The following ASIC2 variants were observed in gnomAD, a reference collection of about 807,000 sequenced individuals.
ASIC2 encodes acid sensing ion channel subunit 2, also known as acid-sensing ion channel 2.
A neutral mutation model predicts 57.3 loss-of-function variants in ASIC2; 25 were observed. The observed-to-expected ratio is 0.44, with a 90% CI of 0.32 to 0.61. ASIC2 has a LOEUF of 0.61. ASIC2 is among the 20% of genes least tolerant of loss of function. The pLI is 0.06. For missense variants in ASIC2, 641 were observed against 738.1 expected (o/e 0.87, Z 1.52); for synonymous variants, 319 against 307.5 (o/e 1.04, Z -0.39).
intron 1 of ASIC2, among the ~76,000 whole-genome samples, chr17:33,807,301 A>G (rs959385418): frequency 2.0e-5 from 3 of 152,208 alleles, no homozygotes; most frequent in African/African-American, 4.8e-5. Context: ...CTGTATGGCT[A>G]TAGGTAGTGG....
rs548669578 is a variant in ASIC2 at position 33,957,802 on chromosome 17, C to T, written c.555+198176G>A. Among the ~76,000 whole-genome samples the T allele has an allele frequency of 1.1e-4, 16 of 152,260 alleles. No homozygotes were observed. The South Asian group carries it at 3.1e-3, about 30-fold the overall frequency. On this transcript the variant is annotated intron_variant, in intron 1 of 9. Coordinates refer to the ASIC2 transcript ENST00000359872. ...AACCAATCATGCCTTCCCAACAGTC[C>T]CCCAAAGTCTTAACTTATTTCAGCA...
intron 1 of ASIC2, among the ~76,000 whole-genome samples, chr17:33,801,472 G>A (rs914717547): frequency 6.6e-6 from 1 of 152,070 alleles, no homozygotes; most frequent in South Asian, 2.1e-4. Context: ...GACATTTATG[G>A]TTTGGGTGGA....
rs368202574 is a variant in ASIC2 at position 33,049,295 on chromosome 17, G to T, written c.988-20903C>A. On this transcript the variant is annotated intron_variant, in intron 3 of 9. Transcript: ENST00000225823. ...CTTAGCTGTGTGCCAAAGGTAGACA[G>T]TTTGGGGCTGGCTGTCTCATTTATT... Among the ~76,000 whole-genome samples, 6 of 152,318 alleles carry T rather than the reference G, an allele frequency of 3.9e-5. No individual in the cohort carries two copies. In the East Asian group the frequency reaches 1.2e-3, roughly 29 times the overall value.
At chr17:34,047,712 G>A (rs2142050791) in intron 1 of ASIC2, among the ~76,000 whole-genome samples, 1 of 152,178 alleles carries the variant, frequency 6.6e-6, no homozygotes, top group South Asian at 2.1e-4. Flanking sequence ...GTGACAATGT[G>A]CCAGTTCTGA....
At chr17:33,991,650 C>G (rs1342013945) in intron 1 of ASIC2, among the ~76,000 whole-genome samples, 1 of 152,186 alleles carries the variant, frequency 6.6e-6, no homozygotes, top group Admixed American at 6.5e-5. Context: ...TTGGCTTTCT[C>G]AACGTTCCAC....
chr17:33,063,906 C>A (rs2141942440), intron 3 of ASIC2, among the ~76,000 whole-genome samples: 1 of 152,300 alleles, frequency 6.6e-6, no homozygotes, highest in East Asian at 1.9e-4. Context: ...TCATTTCATT[C>A]ATTCGATCTT....
intron 1 of ASIC2, among the ~76,000 whole-genome samples, chr17:33,313,319 C>A (rs1489594517): frequency 1.3e-5 from 2 of 150,582 alleles, no homozygotes; most frequent in African/African-American, 4.9e-5. Context: ...CAGAGCGAAA[C>A]CCTGTTTGAA....
intron 1 of ASIC2, among the ~76,000 whole-genome samples, chr17:33,565,433 C>T (rs1397583793): frequency 6.6e-6 from 1 of 152,216 alleles, no homozygotes; most frequent in Non-Finnish European, 1.5e-5. Flanking sequence ...TATCTGTGCA[C>T]ACAGCACCAC....
intron 3 of ASIC2, among the ~76,000 whole-genome samples, chr17:33,070,242 G>T (rs1217245273): frequency 6.6e-6 from 1 of 151,832 alleles, no homozygotes; most frequent in East Asian, 1.9e-4. Context: ...TATTATTTAA[G>T]CATTCAACTA....
At chr17:33,387,067 T>A (rs950052252) in intron 1 of ASIC2, among the ~76,000 whole-genome samples, 2 of 152,126 alleles carry the variant, frequency 1.3e-5, no homozygotes, top group African/African-American at 4.8e-5. Flanking sequence ...TTTGTGTTTT[T>A]AGTAGAGATG....
chr17:34,132,378 G>C (rs1041406386), intron 1 of ASIC2, among the ~76,000 whole-genome samples: 2 of 152,178 alleles, frequency 1.3e-5, no homozygotes, highest in African/African-American at 4.8e-5. Flanking sequence ...ACAGGTAGAC[G>C]GGTTGCGGCT....
intron 1 of ASIC2, among the ~76,000 whole-genome samples, chr17:33,650,363 T>C (rs1906880065): frequency 1.3e-5 from 2 of 152,118 alleles, no homozygotes. Flanking sequence ...AGAAACTGGA[T>C]CACTCAGACA....
chr17:34,005,303 C>T (rs1303267874), intron 1 of ASIC2: 1 of 152,182 alleles, frequency 6.6e-6, no homozygotes, highest in Non-Finnish European at 1.5e-5. Context: ...CAGTGGGGCT[C>T]ACCTACATGC....
intron 1 of ASIC2, among the ~76,000 whole-genome samples, chr17:34,046,988 G>A (rs903041239): frequency 1.4e-4 from 21 of 152,094 alleles, no homozygotes; most frequent in African/African-American, 5.1e-4. Context: ...ACTTATTTAT[G>A]CTATCTCATT....
chr17:33,394,924 C>T (rs574641958), intron 1 of ASIC2, among the ~76,000 whole-genome samples: 4 of 152,002 alleles, frequency 2.6e-5, no homozygotes, highest in African/African-American at 9.7e-5. Context: ...CACCTACACA[C>T]CCACTCATTC....
At chr17:33,742,845 G>A (rs972518151) in intron 1 of ASIC2, among the ~76,000 whole-genome samples, 3 of 152,178 alleles carry the variant, frequency 2.0e-5, no homozygotes, top group Admixed American at 1.3e-4. Context: ...CTGGGTGCAG[G>A]GTGGCATGAT....
At chr17:33,910,647 T>C (rs1055874683) in intron 1 of ASIC2, among the ~76,000 whole-genome samples, 1 of 152,188 alleles carries the variant, frequency 6.6e-6, no homozygotes, top group Admixed American at 6.5e-5. Flanking sequence ...ATCTGGTGCA[T>C]TCATCACTGC....
intron 1 of ASIC2, among the ~76,000 whole-genome samples, chr17:33,693,007 G>C (rs948226058): frequency 2.0e-4 from 30 of 152,024 alleles, no homozygotes; most frequent in African/African-American, 6.3e-4. Flanking sequence ...ATTCTTTTTG[G>C]TGTAGGTTAT....
intron 1 of ASIC2, among the ~76,000 whole-genome samples, chr17:34,104,533 T>A (rs1465445224): frequency 6.6e-6 from 1 of 152,114 alleles, no homozygotes; most frequent in East Asian, 1.9e-4. Flanking sequence ...GGCCTTTTTT[T>A]TCTGATCTTA....
Sources: gnomAD v4.1 joint callset for allele counts (sites outside exome capture counted in the v4.1 genomes callset) on GRCh38, gnomAD v4.1.1 for gene constraint, MANE v1.5 for transcripts, NCBI Gene and HGNC (gene_info 2026-07-23, HGNC 2026-07-21) for gene names.